Variants in MDGA2 observed in about 807,000 individuals in gnomAD.
MDGA2 encodes the protein MAM domain-containing glycosylphosphatidylinositol anchor protein 2.
A neutral mutation model predicts 117.8 loss-of-function variants in MDGA2; 40 were observed. The ratio of observed to expected loss-of-function variants is 0.34; its 90% CI spans 0.26 to 0.44. The LOEUF (loss-of-function observed/expected upper bound fraction) is 0.44. MDGA2 is among the 20% of genes least tolerant of loss of function. The pLI is 1.00. For synonymous variants in MDGA2, 452 were observed against 439.0 expected (o/e 1.03, Z -0.37); for missense variants, 1,123 against 1,250.6 (o/e 0.90, Z 1.54).
chr14:47,082,459 G>A (rs1214018747), intron 6 of MDGA2, among the ~76,000 whole-genome samples: 3 of 151,962 alleles, frequency 2.0e-5, no homozygotes, highest in South Asian at 2.1e-4. Flanking sequence ...CAGAGTACTC[G>A]ACTGGAAACA....
intron 1 of MDGA2, among the ~76,000 whole-genome samples, chr14:47,434,527 A>G (rs1046764140): frequency 6.6e-6 from 1 of 152,170 alleles, no homozygotes; most frequent in Non-Finnish European, 1.5e-5. Flanking sequence ...AGGTCAAAGA[A>G]GGTAGAATAT....
chr14:47,291,898 T>C (rs1189186434), intron 2 of MDGA2, among the ~76,000 whole-genome samples: 3 of 152,232 alleles, frequency 2.0e-5, no homozygotes, highest in Non-Finnish European at 4.4e-5. Flanking sequence ...GAGTGAGCGT[T>C]AGCCCTGATC....
At chr14:47,658,576 G>A (rs569271358) in intron 1 of MDGA2, among the ~76,000 whole-genome samples, 19 of 152,148 alleles carry the variant, frequency 1.2e-4, no homozygotes, top group African/African-American at 3.4e-4. Context: ...GCTCCTGGAG[G>A]GCCAGTTCTC....
chr14:46,967,809 A>G (rs79864958), intron 8 of MDGA2, among the ~76,000 whole-genome samples: 17,959 of 152,168 alleles, frequency 0.12, 2,022 homozygotes, highest in African/African-American at 0.27. Flanking sequence ...TTATTAATTA[A>G]GCACAGTAAG....
At chr14:46,917,455 T>C (rs1676401567) in intron 10 of MDGA2, among the ~76,000 whole-genome samples, 1 of 152,248 alleles carries the variant, frequency 6.6e-6, no homozygotes, top group African/African-American at 2.4e-5. Context: ...ATCTTCAATT[T>C]ACAGGATTAA....
At chr14:47,518,504 T>C (rs958429214) in intron 1 of MDGA2, among the ~76,000 whole-genome samples, 2 of 152,172 alleles carry the variant, frequency 1.3e-5, no homozygotes, top group Admixed American at 1.3e-4. Context: ...GATCTACATA[T>C]CACATCACAC....
chr14:47,648,050 A>T (rs192011803), intron 1 of MDGA2, among the ~76,000 whole-genome samples: 14 of 152,236 alleles, frequency 9.2e-5, no homozygotes, highest in African/African-American at 1.4e-4. Flanking sequence ...ATGACTAACC[A>T]CTTCAAATTG....
intron 1 of MDGA2, among the ~76,000 whole-genome samples, chr14:47,552,477 A>G (rs1357098273): frequency 6.6e-6 from 1 of 152,222 alleles, no homozygotes; most frequent in African/African-American, 2.4e-5. Context: ...GTTCCTGAAT[A>G]CTTTCTCTTA....
At chr14:47,515,669 C>T (rs1191401559) in intron 1 of MDGA2, among the ~76,000 whole-genome samples, 4 of 152,120 alleles carry the variant, frequency 2.6e-5, no homozygotes, top group East Asian at 1.9e-4. Context: ...AAATAAGCCA[C>T]GGTGGGCAAG....
chr14:47,540,711 C>A (rs1267754936), intron 1 of MDGA2, among the ~76,000 whole-genome samples: 1 of 151,384 alleles, frequency 6.6e-6, no homozygotes, highest in Non-Finnish European at 1.5e-5. Context: ...CAGGTATGCA[C>A]CCCCATGCCT....
chr14:47,507,757 A>T (rs1036006955), intron 1 of MDGA2, among the ~76,000 whole-genome samples: 7 of 152,208 alleles, frequency 4.6e-5, no homozygotes, highest in Non-Finnish European at 1.0e-4. Context: ...AGAACTGCCT[A>T]AACAATTCAT....
chr14:47,037,471 G>A (rs565224593), intron 7 of MDGA2, among the ~76,000 whole-genome samples: 70 of 152,288 alleles, frequency 4.6e-4, no homozygotes, highest in South Asian at 2.3e-3. Context: ...ACTTTTGAGC[G>A]TTAGCAATAG....
chr14:47,131,940 T>C (rs926577395), intron 4 of MDGA2, 94 bp from the exon 5 acceptor site: 4 of 1,008,220 alleles, frequency 4.0e-6, no homozygotes, highest in East Asian at 2.7e-5. Context: ...TATTAAATCA[T>C]ATTATTATCA....
chr14:46,862,143 T>C (rs1295828240), intron 14 of MDGA2, among the ~76,000 whole-genome samples: 1 of 151,910 alleles, frequency 6.6e-6, no homozygotes, highest in Non-Finnish European at 1.5e-5. Flanking sequence ...TTTTTCAAAT[T>C]CTATAGTTCT....
chr14:46,953,312 C>A (rs2138618070), intron 9 of MDGA2, among the ~76,000 whole-genome samples: 1 of 131,782 alleles, frequency 7.6e-6, no homozygotes, highest in Non-Finnish European at 1.8e-5. Context: ...ACACTGTTAA[C>A]TTTTGAAAAA....
intron 8 of MDGA2, among the ~76,000 whole-genome samples, chr14:46,997,416 A>T (rs1049911589): frequency 6.6e-6 from 1 of 152,196 alleles, no homozygotes; most frequent in African/African-American, 2.4e-5. Context: ...TTCCCGAAGA[A>T]ATTACAAATA....
intron 11 of MDGA2, among the ~76,000 whole-genome samples, chr14:46,880,341 T>TAG (rs1882396303): frequency 1.3e-5 from 2 of 151,886 alleles, no homozygotes; most frequent in Admixed American, 1.3e-4. Flanking sequence ...ATATATATAG[T>TAG]AATAATAATA....
At chr14:47,671,262 T>C (rs1049874488) in intron 1 of MDGA2, among the ~76,000 whole-genome samples, 2 of 152,182 alleles carry the variant, frequency 1.3e-5, no homozygotes, top group African/African-American at 2.4e-5. Context: ...CCTAGGTCTA[T>C]AGCAGAAACT....
At chr14:47,027,685 A>G (rs1028642142) in intron 8 of MDGA2, among the ~76,000 whole-genome samples, 2 of 150,698 alleles carry the variant, frequency 1.3e-5, no homozygotes, top group African/African-American at 4.9e-5. Context: ...ATTTCTTTCT[A>G]TTTTCTTGAA....
Sources: gnomAD v4.1 joint callset for allele counts (sites outside exome capture counted in the v4.1 genomes callset) on GRCh38, gnomAD v4.1.1 for gene constraint, MANE v1.5 for transcripts, NCBI Gene and HGNC (gene_info 2026-07-23, HGNC 2026-07-21) for gene names.